CYB561A3: variants seen among roughly 807,000 people sequenced by gnomAD.
CYB561A3 encodes cytochrome b561 family member A3, also known as lysosomal membrane ascorbate-dependent ferrireductase CYB561A3.
Under a neutral mutation model 25.3 loss-of-function variants are expected in CYB561A3, and 16 were observed. The ratio of observed to expected loss-of-function variants is 0.63; its 90% CI spans 0.43 to 0.96. The LOEUF is 0.96. Among genes scored for constraint, CYB561A3 ranks in the 40% least tolerant of loss-of-function variants. The pLI is 0.00. For synonymous variants in CYB561A3, 131 were observed against 129.9 expected (o/e 1.01, Z -0.06); for missense variants, 219 against 307.5 (o/e 0.71, Z 2.15).
At chr11:61,351,279 CCTTT>C (rs1358038292) in intron 5 of CYB561A3, 132 bp from the exon 6 acceptor site, 13 of 842,724 alleles carry the variant, frequency 1.5e-5, no homozygotes, top group East Asian at 6.8e-5. Flanking sequence ...ATTTTAACAC[CCTTT>C]CTTTTTTTTT....
chr11:61,349,003 C>G lies in CYB561A3; in HGVS notation c.*1396G>C. ...AATGTGAGGCTGGGGTGGACGTTGGCCTGATGTTGCCAGGAGTAGGATGCT... is the reference window on the plus strand; with the variant it reads ...AATGTGAGGCTGGGGTGGACGTTGGGCTGATGTTGCCAGGAGTAGGATGCT... On this transcript the variant is annotated 3_prime_UTR_variant, in exon 7 of 7. Coordinates refer to ENST00000294072, the MANE Select transcript of CYB561A3 (RefSeq NM_153611.6). 1 of 157,020 alleles carries G rather than the reference C, an allele frequency of 6.4e-6. No homozygotes were observed. The allele number at this position is 157,020 out of a possible 1,614,324, so 9.7% of individuals were successfully genotyped here.
In CYB561A3 at chr11:61,353,145, G is replaced by C; in HGVS notation, c.394-6C>G. On this transcript the variant is annotated splice_region_variant and splice_polypyrimidine_tract_variant and intron_variant, in intron 4 of 6. Transcript: ENST00000294072. ...ACAGCAAAGCCCAGGAACCACTGTGGACAAAAGGGAGGACACACCCGACTG... is the reference window on the plus strand; with the variant it reads ...ACAGCAAAGCCCAGGAACCACTGTGCACAAAAGGGAGGACACACCCGACTG... 1 of 1,597,278 alleles carries C rather than the reference G, an allele frequency of 6.3e-7. No individual in the cohort carries two copies. Among genetic ancestry groups the C allele is most frequent in the Non-Finnish European group, 8.5e-7 (1 of 1,172,808 alleles).
chr11:61,353,923 G>A lies in CYB561A3; in HGVS notation c.254C>T (p.Ala85Val), dbSNP rs747201622. ...GAGGACGAAGGCCATCAGGTGCAGC[G>A]CTGCATGGAGGAGTTTCCAGGGCAG... The part of the protein sequence containing the change: ...PKLPWKLLHA[A>V]LHLMAFVLTV... Residue 85 changes from alanine to valine, a missense_variant, in exon 4 of 7, where the codon GCG (alanine) becomes GTG (valine). Ala to Val is a moderately conservative substitution (Grantham distance 64, BLOSUM62 0). Coordinates refer to ENST00000294072, the MANE Select transcript of CYB561A3 (RefSeq NM_153611.6). The A allele has an allele frequency of 3.0e-5, 49 of 1,614,196 alleles. No homozygotes were observed. Among genetic ancestry groups the A allele is most frequent in the South Asian group, 1.1e-4 (10 of 91,088 alleles).
At chr11:61,359,954 G>A (rs2135134329) in intron 1 of CYB561A3, 1 of 152,592 alleles carries the variant, frequency 6.6e-6, no homozygotes, top group Middle Eastern at 3.4e-3. Flanking sequence ...CCAGGAGGCA[G>A]AGGTTGCAGT....
chr11:61,356,543 TACC>T lies in CYB561A3; in HGVS notation c.168_170del (p.Val57del). 6.2e-6 allele frequency: 10 copies of T among 1,613,882 alleles called. No homozygotes were observed. Among genetic ancestry groups the T allele is most frequent in the Non-Finnish European group, 8.5e-6 (10 of 1,179,906 alleles). ...CCTCTTACTCACCACCTCCATAGAATACCACCATGCCAGCAACCATAAGCACTG... is the reference window on the plus strand; with the variant it reads ...CCTCTTACTCACCACCTCCATAGAATACCATGCCAGCAACCATAAGCACTG... On this transcript the variant is annotated inframe_deletion, in exon 3 of 7. Coordinates refer to ENST00000294072, the MANE Select transcript of CYB561A3 (RefSeq NM_153611.6).
At chr11:61,353,563 C>G in intron 4 of CYB561A3, 1 of 709,830 alleles carries the variant, frequency 1.4e-6, no homozygotes, top group Non-Finnish European at 2.5e-6. Context: ...AGAGAGGGCT[C>G]TGGGACGAGA....
At chr11:61,350,937 C>CCTGGCCCTGTCCTGGCCAGGATCTT in intron 6 of CYB561A3, 54 bp downstream of exon 6, 2 of 1,546,870 alleles carry the variant, frequency 1.3e-6, no homozygotes, top group Non-Finnish European at 1.7e-6. Flanking sequence ...CGTGGGAGAT[C>CCTGGCCCTGTCCTGGCCAGGATCTT]CTTCTCTAGA....
intron 4 of CYB561A3, chr11:61,353,426 A>G (rs1475971502): frequency 1.7e-6 from 1 of 602,862 alleles, no homozygotes; most frequent in African/African-American, 1.8e-5. Flanking sequence ...CTTCACTCGC[A>G]CAGGCCTGAG....
intron 1 of CYB561A3, chr11:61,360,636 C>G (rs973467721): frequency 6.6e-6 from 1 of 152,172 alleles, no homozygotes; most frequent in Non-Finnish European, 1.5e-5. Flanking sequence ...CAGGTCACAT[C>G]CAGGGGTAAG....
intron 3 of CYB561A3, among the ~76,000 whole-genome samples, chr11:61,355,748 A>C (rs1306554815): frequency 6.6e-6 from 1 of 151,358 alleles, no homozygotes; most frequent in East Asian, 1.9e-4. Context: ...CGGTGGCCTG[A>C]CTAAACCATG....
At chr11:61,350,927 C>G in intron 6 of CYB561A3, 64 bp downstream of exon 6, 1 of 1,534,306 alleles carries the variant, frequency 6.5e-7, no homozygotes, top group Non-Finnish European at 8.8e-7. Context: ...CCCAGCCTTT[C>G]GTGGGAGATC....
In CYB561A3 at chr11:61,353,051, G is replaced by A. The variant is rs1468998280; in HGVS notation, c.482C>T (p.Ala161Val). 2 of 1,613,952 alleles carry A rather than the reference G, an allele frequency of 1.2e-6. No individual in the cohort carries two copies. The highest frequency in any genetic ancestry group is 2.7e-5 in the African/African-American group (2 of 74,900). Residue 161 changes from alanine (A) to valine (V), a missense_variant, in exon 5 of 7, where the codon GCC (alanine) becomes GTC (valine). By Grantham distance (64) the Ala-to-Val change is moderately conservative. Coordinates refer to ENST00000294072, the MANE Select transcript of CYB561A3 (RefSeq NM_153611.6). Reference protein sequence around the residue: ...LLKPIHVFFGAAILSLSIASV... With the variant: ...LLKPIHVFFGVAILSLSIASV... ...TGCGATGGACAGAGAGAGGATGGCG[G>A]CTCCAAAAAAGACGTGGATAGGTTT...
chr11:61,359,691 T>G (rs983516553), intron 1 of CYB561A3: 6 of 152,202 alleles, frequency 3.9e-5, no homozygotes, highest in Non-Finnish European at 7.3e-5. Context: ...TAAGCCCTCC[T>G]ACTTCCTGAA....
At position 61,349,742 on chromosome 11, in the gene CYB561A3, C is replaced by G; in HGVS notation, c.*657G>C. 1.5e-6 allele frequency: 1 copy of G among 669,930 alleles called. No individual in the cohort carries two copies. The highest frequency in any genetic ancestry group is 2.7e-6 in the Non-Finnish European group (1 of 364,148). 41.5% of individuals were successfully genotyped at this position (669,930 alleles called of 1,614,324 possible). On this transcript the variant is annotated 3_prime_UTR_variant, in exon 7 of 7. Transcript: ENST00000294072. Reference sequence around the variant, plus strand: ...GCGGTCAGCTCCTCAGCAGAAGCTGCGTGGGCCGCCACTCCCCCTTTCTGC... The same window carrying G: ...GCGGTCAGCTCCTCAGCAGAAGCTGGGTGGGCCGCCACTCCCCCTTTCTGC...
intron 3 of CYB561A3, chr11:61,356,300 A>G (rs1857650804): frequency 1.8e-6 from 1 of 554,356 alleles, no homozygotes; most frequent in East Asian, 3.0e-5. Context: ...GACCCTCTAT[A>G]GAAAGTTTGC....
At chr11:61,360,077 TA>T (rs1219253357) in intron 1 of CYB561A3, 5,783 of 141,258 alleles carry the variant, frequency 0.041, 123 homozygotes, top group Non-Finnish European at 0.055. Flanking sequence ...CCTCATCTCT[TA>T]AAAAAAAAAA....
intron 5 of CYB561A3, chr11:61,352,731 A>G: frequency 8.6e-7 from 1 of 1,158,930 alleles, no homozygotes; most frequent in African/African-American, 1.6e-5. Flanking sequence ...GGTGGTTGAC[A>G]GGATTAAATG....
chr11:61,350,527 A>C (rs1857350509), intron 6 of CYB561A3, 105 bp from the exon 7 acceptor site: 2 of 1,435,270 alleles, frequency 1.4e-6, no homozygotes, highest in East Asian at 4.8e-5. Flanking sequence ...GTCCCCATCC[A>C]AGCCACCAAA....
Position 61,349,667 on chromosome 11 carries a change from TCA to T in CYB561A3, c.*730_*731del. The stretch of plus-strand genomic sequence containing the variant: ...AGCTGGAAGAGGTGGAGCCGCACGG[TCA>T]CAATACATGCAGACACAGAGCAGCA... On this transcript the variant is annotated 3_prime_UTR_variant, in exon 7 of 7. Transcript: ENST00000294072. The T allele has an allele frequency of 2.8e-6, 2 of 702,504 alleles. No homozygotes were observed. Among genetic ancestry groups the T allele is most frequent in the East Asian group, 2.7e-5 (1 of 37,274 alleles). 43.5% of individuals were successfully genotyped at this position (702,504 alleles called of 1,614,324 possible).
Sources: allele counts gnomAD v4.1 joint callset (sites outside exome capture counted in the v4.1 genomes callset), GRCh38; gene constraint gnomAD v4.1.1; transcripts MANE v1.5; gene names NCBI Gene and HGNC (gene_info 2026-07-23, HGNC 2026-07-21).